DLC1: variants seen among roughly 807,000 people sequenced by gnomAD.
The protein encoded by DLC1 is DLC1 Rho GTPase activating protein.
A neutral mutation model predicts 140.3 loss-of-function variants in DLC1; 54 were observed. The observed-to-expected ratio is 0.38, with a 90% CI of 0.31 to 0.48. The LOEUF is 0.48. Among genes scored for constraint, DLC1 ranks in the 20% least tolerant of loss-of-function variants. DLC1 has a pLI of 0.96. For synonymous variants in DLC1, 986 were observed against 728.1 expected (o/e 1.35, Z -5.70); for missense variants, 2,536 against 1,907.0 (o/e 1.33, Z -6.14).
At chr8:13,353,535 G>A (rs1834775415) in intron 4 of DLC1, 1 of 152,182 alleles carries the variant, frequency 6.6e-6, no homozygotes, top group Non-Finnish European at 1.5e-5. Context: ...TATAATATCT[G>A]TAAAAGACTT....
chr8:13,353,634 C>G (rs577672566), intron 4 of DLC1: 62 of 152,206 alleles, frequency 4.1e-4, no homozygotes, highest in African/African-American at 1.5e-3. Flanking sequence ...AGACGGGCGG[C>G]TCACCTGAGG....
At chr8:13,287,574 A>T (rs571410183) in intron 5 of DLC1, among the ~76,000 whole-genome samples, 1 of 152,294 alleles carries the variant, frequency 6.6e-6, no homozygotes, top group Admixed American at 6.5e-5. Flanking sequence ...CCTTGTTGGT[A>T]TTTGTACATC....
rs1302224316 is a variant in DLC1 at position 13,120,338 on chromosome 8, G to A, written c.1349-4681C>T. ...AACCTGGATGACAGAAAGAGACTCC[G>A]TCGCAAAAAAAAAAAAAAATATATA... is the stretch of plus-strand genomic sequence containing the variant. On this transcript the variant is annotated intron_variant, in intron 5 of 17. Coordinates refer to ENST00000276297, the MANE Select transcript of DLC1 (RefSeq NM_182643.3). Among the ~76,000 whole-genome samples the A allele has an allele frequency of 5.1e-3, 63 of 12,274 alleles. 1 individual carries two copies. The highest frequency in any genetic ancestry group is 8.8e-3 in the African/African-American group (58 of 6,606). The allele number at this position is 12,274 out of a possible 152,430, so 8.1% of individuals were successfully genotyped here.
chr8:13,486,394 A>T (rs1800969127), intron 2 of DLC1, among the ~76,000 whole-genome samples: 2 of 152,218 alleles, frequency 1.3e-5, no homozygotes, highest in East Asian at 1.9e-4. Flanking sequence ...GGCATAAGAC[A>T]TTTCCTTTCA....
At chr8:13,339,618 C>T (rs1833949616) in intron 4 of DLC1, 1 of 152,134 alleles carries the variant, frequency 6.6e-6, no homozygotes, top group South Asian at 2.1e-4. Context: ...GAGTAGGTGG[C>T]TTTCATCTTC....
intron 5 of DLC1, among the ~76,000 whole-genome samples, chr8:13,253,108 C>T (rs992432771): frequency 6.6e-6 from 1 of 152,124 alleles, no homozygotes; most frequent in African/African-American, 2.4e-5. Context: ...TGGGTTAACT[C>T]CTGGACTGGT....
At chr8:13,562,514 C>T (rs1326157802) in intron 1 of DLC1, among the ~76,000 whole-genome samples, 2 of 152,146 alleles carry the variant, frequency 1.3e-5, no homozygotes, top group Non-Finnish European at 2.9e-5. Context: ...TAAAATTACG[C>T]TGAGATATCA....
chr8:13,412,612 A>G (rs1320086966), intron 2 of DLC1, among the ~76,000 whole-genome samples: 1 of 152,176 alleles, frequency 6.6e-6, no homozygotes, highest in Non-Finnish European at 1.5e-5. Flanking sequence ...CAGGGCCATG[A>G]GTAACCTACG....
At chr8:13,390,985 AAAAAAAAAAAG>A (rs1270277840) in intron 4 of DLC1, among the ~76,000 whole-genome samples, 10 of 90,268 alleles carry the variant, frequency 1.1e-4, no homozygotes, top group South Asian at 6.6e-4. Flanking sequence ...ACTCCGTCTC[AAAAAAAAAAAG>A]AAAAAAAAAA....
At chr8:13,124,312 G>C (rs1821372793) in intron 5 of DLC1, among the ~76,000 whole-genome samples, 1 of 152,146 alleles carries the variant, frequency 6.6e-6, no homozygotes, top group Non-Finnish European at 1.5e-5. Flanking sequence ...TATGATCTTG[G>C]ATATGAAACT....
At chr8:13,271,801 C>T (rs1830940777) in intron 5 of DLC1, among the ~76,000 whole-genome samples, 1 of 152,210 alleles carries the variant, frequency 6.6e-6, no homozygotes, top group South Asian at 2.1e-4. Flanking sequence ...TCTCCTGACT[C>T]AGCTCCTGGG....
chr8:13,240,733 T>C (rs576908445), intron 5 of DLC1, among the ~76,000 whole-genome samples: 26 of 152,338 alleles, frequency 1.7e-4, no homozygotes, highest in African/African-American at 6.0e-4. Context: ...GCATCTGGCC[T>C]GGCCAATATT....
At chr8:13,345,865 G>T (rs1834312905) in intron 4 of DLC1, among the ~76,000 whole-genome samples, 1 of 152,032 alleles carries the variant, frequency 6.6e-6, no homozygotes, top group Admixed American at 6.6e-5. Context: ...GGCCATTCAC[G>T]CTTTTGAATG....
chr8:13,158,868 G>T (rs1824468325), intron 5 of DLC1, among the ~76,000 whole-genome samples: 1 of 151,802 alleles, frequency 6.6e-6, no homozygotes, highest in Non-Finnish European at 1.5e-5. Context: ...AACAAATCCA[G>T]GGTCCCCTGG....
At chr8:13,415,181 A>T (rs954934271) in intron 2 of DLC1, among the ~76,000 whole-genome samples, 2 of 152,046 alleles carry the variant, frequency 1.3e-5, no homozygotes, top group Admixed American at 6.6e-5. Context: ...AATTTAAAAC[A>T]CTTTAGTGAT....
In DLC1 at chr8:13,170,558, G is replaced by A. The variant is rs964372906; in HGVS notation, c.1349-54901C>T. Among the ~76,000 whole-genome samples, 15 of 151,980 alleles carry A rather than the reference G, an allele frequency of 9.9e-5. No homozygotes were observed. The South Asian group carries it at 1.0e-3, about 10-fold the overall frequency. On this transcript the variant is annotated intron_variant, in intron 5 of 17. Transcript: ENST00000276297. ...ATCCTGGCCAACACGGTGAAACCCCGTCCCTACTAAAAATACAAAAAATTA... is the reference window on the plus strand; with the variant it reads ...ATCCTGGCCAACACGGTGAAACCCCATCCCTACTAAAAATACAAAAAATTA...
At chr8:13,510,577 C>G (rs1409432881) in intron 1 of DLC1, among the ~76,000 whole-genome samples, 2 of 152,146 alleles carry the variant, frequency 1.3e-5, no homozygotes, top group Non-Finnish European at 2.9e-5. Context: ...TAATAAAAAG[C>G]AGAAACTCAA....
At position 13,333,316 on chromosome 8, in the gene DLC1, C is replaced by G. The variant is rs576169624; in HGVS notation, c.1315-28014G>C. ...TCATAGCTCACTGCAGCTTGGAACA[C>G]CTGGGCTCAAGCCATCCTCCCACCT... On this transcript the variant is annotated intron_variant, in intron 4 of 17. Coordinates refer to ENST00000276297, the MANE Select transcript of DLC1 (RefSeq NM_182643.3). 2.6e-5 allele frequency among the ~76,000 whole-genome samples: 4 copies of G among 152,318 alleles called. No individual in the cohort carries two copies. In the East Asian group the frequency reaches 5.8e-4, roughly 22 times the overall value.
At chr8:13,429,643 C>T in intron 2 of DLC1, among the ~76,000 whole-genome samples, 1 of 152,136 alleles carries the variant, frequency 6.6e-6, no homozygotes, top group East Asian at 1.9e-4. Context: ...CATGTCAGTG[C>T]AGGGAACATA....
Sources: allele counts gnomAD v4.1 joint callset (sites outside exome capture counted in the v4.1 genomes callset), GRCh38; gene constraint gnomAD v4.1.1; transcripts MANE v1.5; gene names NCBI Gene and HGNC (gene_info 2026-07-23, HGNC 2026-07-21).